The following METTL8 variants were observed in gnomAD, a reference collection of about 807,000 sequenced individuals.
METTL8 encodes methyltransferase 8, tRNA N3-cytidine.
In METTL8, 32 loss-of-function variants were observed where a neutral mutation model predicts 48.7. The observed-to-expected ratio is 0.66, with a 90% confidence interval of 0.50 to 0.88. The LOEUF (loss-of-function observed/expected upper bound fraction) is 0.88, where lower values mean the gene tolerates loss of function less well. Among genes scored for constraint, METTL8 ranks in the 40% least tolerant of loss-of-function variants. The probability of loss-of-function intolerance (pLI) is 0.00; values close to 1 mark genes in which losing one functional copy is unlikely to be tolerated. For missense variants in METTL8, 464 were observed against 474.4 expected, an observed-to-expected ratio of 0.98 and a Z score of 0.20; for synonymous variants, 136 against 157.1, an observed-to-expected ratio of 0.87 and a Z score of 1.01.
rs143281019 is a variant in METTL8, at chr2:171,433,664, G to T, written c.-13+219C>A. Among the ~76,000 whole-genome samples, 1,339 of 152,294 alleles carry T rather than the reference G, an allele frequency of 8.8e-3. 21 individuals are homozygous for T. Among genetic ancestry groups the T allele is most frequent in the African/African-American group, 0.031 (1,271 of 41,556 alleles). On this transcript the variant is annotated intron_variant, in intron 1 of 9. Coordinates refer to ENST00000375258, the MANE Select transcript of METTL8 (RefSeq NM_001321154.2). ...TATTTTATTCCCTATAAAGAAAAAA[G>T]AATGGAGGCGAGAGGAAATGAAATG...
intron 2 of METTL8, among the ~76,000 whole-genome samples, chr2:171,371,503 C>T (rs907593733): frequency 6.6e-6 from 1 of 151,962 alleles, no homozygotes; most frequent in African/African-American, 2.4e-5. Flanking sequence ...ATTACAGGCA[C>T]GTGCCAACAC....
chr2:171,342,313 A>G (rs550320084), intron 3 of METTL8, among the ~76,000 whole-genome samples: 23 of 152,376 alleles, frequency 1.5e-4, no homozygotes, highest in Non-Finnish European at 2.9e-4. Context: ...GAGAAATGAA[A>G]GTGGATCTTT....
At chr2:171,434,114 C>T (rs1693544370), upstream of METTL8, 2 of 337,406 alleles carry the variant, frequency 5.9e-6, no homozygotes, top group East Asian at 8.9e-5. Flanking sequence ...GAGAAGCGCG[C>T]CCGCAAGACA....
intron 2 of METTL8, among the ~76,000 whole-genome samples, chr2:171,363,303 G>T (rs1179539149): frequency 6.6e-6 from 1 of 151,644 alleles, no homozygotes; most frequent in Non-Finnish European, 1.5e-5. Context: ...ACTTCCTCCA[G>T]CCCTGCTGCT....
intron 2 of METTL8, among the ~76,000 whole-genome samples, chr2:171,371,836 C>CTATTAT (rs4027587): frequency 0.044 from 6,296 of 143,790 alleles, 272 homozygotes; most frequent in African/African-American, 0.11. Flanking sequence ...GTTATTATTA[C>CTATTAT]TATTATTATT....
chr2:171,399,586 C>CA (rs1474174064), intron 1 of METTL8, among the ~76,000 whole-genome samples: 1 of 152,146 alleles, frequency 6.6e-6, no homozygotes, highest in Non-Finnish European at 1.5e-5. Flanking sequence ...TCCCCAGCTA[C>CA]AAATTTTGGC....
At chr2:171,382,799 G>A (rs900985684) in intron 2 of METTL8, among the ~76,000 whole-genome samples, 1 of 152,134 alleles carries the variant, frequency 6.6e-6, no homozygotes, top group Non-Finnish European at 1.5e-5. Flanking sequence ...TGGGCCAGAC[G>A]CGGTGGCTCA....
chr2:171,427,996 T>C (rs183636112), intron 1 of METTL8, among the ~76,000 whole-genome samples: 3 of 152,364 alleles, frequency 2.0e-5, no homozygotes, highest in Admixed American at 2.0e-4. Flanking sequence ...TTATACTATG[T>C]TTCTTTAAAC....
chr2:171,411,675 T>C (rs1478856897), intron 1 of METTL8, among the ~76,000 whole-genome samples: 2 of 152,196 alleles, frequency 1.3e-5, no homozygotes, highest in Non-Finnish European at 2.9e-5. Context: ...AAATTCCAGA[T>C]GAGTTAAACT....
At chr2:171,429,103 C>A (rs1692710146) in intron 1 of METTL8, among the ~76,000 whole-genome samples, 1 of 150,054 alleles carries the variant, frequency 6.7e-6, no homozygotes, top group South Asian at 2.1e-4. Context: ...CTTTCATTTT[C>A]AATTTGATAA....
At chr2:171,385,951 G>A (rs1688006904) in intron 2 of METTL8, among the ~76,000 whole-genome samples, 1 of 152,184 alleles carries the variant, frequency 6.6e-6, no homozygotes, top group African/African-American at 2.4e-5. Flanking sequence ...CTCCTCAACA[G>A]AATAACTAAA....
intron 4 of METTL8, among the ~76,000 whole-genome samples, chr2:171,338,531 T>A (rs1046832631): frequency 1.3e-5 from 2 of 151,340 alleles, no homozygotes; most frequent in Non-Finnish European, 2.9e-5. Flanking sequence ...TCCCAGCTAC[T>A]CAGGAGACTG....
At chr2:171,364,960 T>C (rs1261796767) in intron 2 of METTL8, among the ~76,000 whole-genome samples, 4 of 152,364 alleles carry the variant, frequency 2.6e-5, no homozygotes, top group African/African-American at 4.8e-5. Context: ...TATTTATTCT[T>C]AGGTTAAAGG....
intron 1 of METTL8, among the ~76,000 whole-genome samples, chr2:171,420,918 G>A (rs573403515): frequency 2.7e-3 from 418 of 152,308 alleles, no homozygotes; most frequent in Non-Finnish European, 5.0e-3. Context: ...AAGGGTAGCT[G>A]CCAAAAACTT....
At chr2:171,325,353 T>TA (rs891523196) in intron 9 of METTL8, among the ~76,000 whole-genome samples, 8 of 151,546 alleles carry the variant, frequency 5.3e-5, no homozygotes, top group East Asian at 1.9e-4. Context: ...ACCAGCTAAT[T>TA]AAAAAAAAAT....
At chr2:171,354,570 A>T (rs1328883356) in intron 3 of METTL8, among the ~76,000 whole-genome samples, 3 of 152,150 alleles carry the variant, frequency 2.0e-5, no homozygotes, top group African/African-American at 7.2e-5. Context: ...ACTTGGTTCC[A>T]TTCTCCCTGT....
chr2:171,331,910 G>GC, intron 5 of METTL8, 43 bp from the exon 6 acceptor site: 1 of 1,451,922 alleles, frequency 6.9e-7, no homozygotes, highest in Non-Finnish European at 9.5e-7. Context: ...TTTGGAGACA[G>GC]GGTCTTGCGC....
chr2:171,331,040 T>C (rs1459005530), intron 6 of METTL8, among the ~76,000 whole-genome samples: 1 of 152,190 alleles, frequency 6.6e-6, no homozygotes, highest in Non-Finnish European at 1.5e-5. Flanking sequence ...ACTACGATTA[T>C]TCATGGGCAG....
intron 1 of METTL8, among the ~76,000 whole-genome samples, chr2:171,403,692 T>C (rs1271213478): frequency 6.6e-6 from 1 of 152,088 alleles, no homozygotes; most frequent in East Asian, 1.9e-4. Flanking sequence ...AACCTCTCTA[T>C]ACTAACTTCA....
Sources: gnomAD v4.1 joint callset for allele counts (sites outside exome capture counted in the v4.1 genomes callset) on GRCh38, gnomAD v4.1.1 for gene constraint, MANE v1.5 for transcripts, NCBI Gene and HGNC (gene_info 2026-07-23, HGNC 2026-07-21) for gene names.